The following PPAT variants were observed in gnomAD, a reference collection of about 807,000 sequenced individuals.
PPAT encodes the protein phosphoribosyl pyrophosphate amidotransferase.
A neutral mutation model predicts 60.2 loss-of-function variants in PPAT; 20 were observed. The observed-to-expected ratio is 0.33, with a 90% CI of 0.23 to 0.48. The LOEUF (loss-of-function observed/expected upper bound fraction) is 0.48. PPAT is among the 20% of genes least tolerant of loss of function. The pLI, the probability that PPAT is intolerant of heterozygous loss-of-function variation, is 0.99. For synonymous variants in PPAT, 194 were observed against 215.1 expected (o/e 0.90, Z 0.86); for missense variants, 349 against 629.6 (o/e 0.55, Z 4.77).
chr4:56,420,189 G>A (rs568785832), intron 1 of PPAT: 4 of 168,440 alleles, frequency 2.4e-5, no homozygotes, highest in African/African-American at 9.6e-5. Context: ...TATACATAGT[G>A]AGGTATCTTA....
At chr4:56,422,750 TAAC>T (rs1290614180) in intron 1 of PPAT, 1 of 152,178 alleles carries the variant, frequency 6.6e-6, no homozygotes, top group Non-Finnish European at 1.5e-5. Context: ...AATTATGTTA[TAAC>T]ATTATATGAA....
intron 1 of PPAT, among the ~76,000 whole-genome samples, chr4:56,413,251 G>C (rs1337115372): frequency 6.6e-6 from 1 of 152,124 alleles, no homozygotes; most frequent in African/African-American, 2.4e-5. Flanking sequence ...CTGCTTCCCA[G>C]GTTCAAGCGA....
Position 56,402,848 on chromosome 4 carries a change from A to AG in PPAT, c.661+191dup, listed in dbSNP as rs377686688. ...AAAAAAAAAAAAAAAAAAAAAAAAA[A>AG]GGGGGGGGACTCATCCTCAGGAGTA... On this transcript the variant is annotated intron_variant, in intron 5 of 10. Coordinates refer to ENST00000264220, the MANE Select transcript of PPAT (RefSeq NM_002703.5). 9.6e-3 allele frequency among the ~76,000 whole-genome samples: 731 copies of AG among 75,806 alleles called. 6 individuals carry two copies. The highest frequency in any genetic ancestry group is 0.029 in the African/African-American group (505 of 17,318). 49.7% of individuals were successfully genotyped at this position (75,806 alleles called of 152,430 possible). A position where few individuals can be genotyped will look rare whatever the true frequency, so the allele number is the denominator to read the frequency against.
chr4:56,433,699 G>GT (rs35741626), intron 1 of PPAT, among the ~76,000 whole-genome samples: 68,230 of 141,212 alleles, frequency 0.48, 15,855 homozygotes, highest in South Asian at 0.56. Context: ...AATAACAACT[G>GT]TTTTTTTTTT....
At position 56,396,881 on chromosome 4, in the gene PPAT, T is replaced by TG. The variant is rs1715978630; in HGVS notation, c.1237-143dup. ...TTATTCTTTCTACAAAGCTGCTTCTTGGTTTTTTTTTTCTTTCACCTAATC... is the reference window on the plus strand; with the variant it reads ...TTATTCTTTCTACAAAGCTGCTTCTTGGGTTTTTTTTTTCTTTCACCTAATC... On this transcript the variant is annotated intron_variant, in intron 9 of 10. Coordinates refer to ENST00000264220, the MANE Select transcript of PPAT (RefSeq NM_002703.5). The surrounding 1 kb of genome is among the most constrained non-coding windows in gnomAD (Gnocchi z 4.6). 1.2e-6 allele frequency: 1 copy of TG among 809,156 alleles called. No homozygotes were observed. The allele number at this position is 809,156 out of a possible 1,614,324, so 50.1% of individuals were successfully genotyped here. A position where few individuals can be genotyped will look rare whatever the true frequency, so the allele number is the denominator to read the frequency against.
chr4:56,431,659 T>C (rs751227322), intron 1 of PPAT: 16 of 261,322 alleles, frequency 6.1e-5, no homozygotes, highest in Non-Finnish European at 1.2e-5. Context: ...TATCTCCTAA[T>C]CAAGGAAAGG....
chr4:56,403,652 TTATTTC>T (rs1383535561), intron 3 of PPAT, among the ~76,000 whole-genome samples: 1 of 152,202 alleles, frequency 6.6e-6, no homozygotes, highest in Non-Finnish European at 1.5e-5. Context: ...ATTGTGCACT[TTATTTC>T]TATTATTACT....
intron 3 of PPAT, chr4:56,404,216 G>A: frequency 7.9e-6 from 2 of 252,552 alleles, no homozygotes; most frequent in South Asian, 8.4e-5. Flanking sequence ...AAGTGGGTAG[G>A]GGTTCCCAAA....
chr4:56,401,547 T>A, intron 6 of PPAT, 66 bp from the exon 7 acceptor site: 1 of 1,370,082 alleles, frequency 7.3e-7, no homozygotes, highest in Non-Finnish European at 1.0e-6. Flanking sequence ...ATGAAAATAT[T>A]AATTATAAAG....
chr4:56,433,056 TTATC>T (rs1717685977), intron 1 of PPAT, among the ~76,000 whole-genome samples: 1 of 151,308 alleles, frequency 6.6e-6, no homozygotes, highest in Admixed American at 6.6e-5. Context: ...ATTCTGGCCC[TTATC>T]TATCAGTTTC....
At position 56,403,345 on chromosome 4, in the gene PPAT, C is replaced by A; in HGVS notation, c.459G>T (p.Gln153His). ...STSSDSEMIT[Q>H]LLAYTPPQEQ... ...CCTGAGGAGGGGTATACGCCAGTAA[C>A]TGGGTAATCATTTCACTATCAGAAC... The change falls in exon 4 of 11, where the codon CAG (glutamine) becomes CAT (histidine). Residue 153 changes from glutamine (Q) to histidine (H), a missense_variant. Physicochemically the swap from Gln to His is conservative, Grantham distance 24. Coordinates refer to ENST00000264220, the MANE Select transcript of PPAT (RefSeq NM_002703.5). 6.2e-7 allele frequency: 1 copy of A among 1,614,112 alleles called. No individual in the cohort carries two copies. Among genetic ancestry groups the A allele is most frequent in the Non-Finnish European group, 8.5e-7 (1 of 1,179,964 alleles).
In PPAT at chr4:56,396,576, TTC is replaced by T. The variant is rs1560636252; in HGVS notation, c.1357+41_1357+42del. 3.9e-6 allele frequency: 6 copies of T among 1,548,092 alleles called. No individual in the cohort carries two copies. The South Asian group carries it at 5.7e-5, about 15-fold the overall frequency. On this transcript the variant is annotated intron_variant, in intron 10 of 10. Coordinates refer to ENST00000264220, the MANE Select transcript of PPAT (RefSeq NM_002703.5). This position sits in a 1 kb window ranked among gnomAD's most constrained non-coding sequence, Gnocchi z 4.6. ...TGTAAAGACTGTCAAGCTTTGGATT[TTC>T]TCTGTTAATAATCAAAGTTTATAGA... is the stretch of plus-strand genomic sequence containing the variant.
intron 6 of PPAT, 138 bp from the exon 7 acceptor site, chr4:56,401,619 CT>C: frequency 2.6e-6 from 2 of 774,812 alleles, no homozygotes; most frequent in Non-Finnish European, 4.0e-6. Context: ...CTAGAAGTGA[CT>C]TTTTAAAGTG....
chr4:56,395,600 A>G (rs1195131182), intron 10 of PPAT, 52 bp from the exon 11 acceptor site: 6 of 1,322,688 alleles, frequency 4.5e-6, no homozygotes, highest in African/African-American at 1.5e-5. Flanking sequence ...TTAGAAAGGA[A>G]GAAACGCGTC....
chr4:56,402,132 A>G lies in PPAT; in HGVS notation c.711T>C (p.Cys237=). 1 of 1,604,144 alleles carries G rather than the reference A, an allele frequency of 6.2e-7. No homozygotes were observed. Among genetic ancestry groups the G allele is most frequent in the Non-Finnish European group, 8.5e-7 (1 of 1,172,402 alleles). The part of the protein sequence containing the change: ...TEGWVVSSES[C]SFLSIGARYY... Reference sequence around the variant, plus strand: ...ACCTTGCACCAATAGATAAGAAGCTACAAGATTCTGAAGACACCACCCATC... The same window carrying G: ...ACCTTGCACCAATAGATAAGAAGCTGCAAGATTCTGAAGACACCACCCATC... Residue 237 remains cysteine, a synonymous_variant, in exon 6 of 11, where the codon TGT becomes TGC. Transcript: ENST00000264220.
At chr4:56,429,168 G>T (rs1717448293) in intron 1 of PPAT, among the ~76,000 whole-genome samples, 2 of 152,140 alleles carry the variant, frequency 1.3e-5, no homozygotes, top group South Asian at 4.1e-4. Flanking sequence ...TTATTTCATA[G>T]CTCACTGAGT....
intron 1 of PPAT, among the ~76,000 whole-genome samples, chr4:56,434,616 C>T (rs973585576): frequency 6.6e-6 from 1 of 152,152 alleles, no homozygotes; most frequent in Admixed American, 6.5e-5. Flanking sequence ...TCCCCTGTCC[C>T]CCTTTTGAAG....
chr4:56,420,694 G>C (rs1716996256), intron 1 of PPAT: 1 of 152,128 alleles, frequency 6.6e-6, no homozygotes, highest in African/African-American at 2.4e-5. Flanking sequence ...ACTAATTGTG[G>C]TAAAATTGAG....
intron 1 of PPAT, among the ~76,000 whole-genome samples, chr4:56,419,380 T>C (rs1164547642): frequency 2.0e-5 from 3 of 152,144 alleles, no homozygotes; most frequent in Non-Finnish European, 2.9e-5. Flanking sequence ...ACAGGAAAGA[T>C]GATCAAAATA....
Sources: allele counts gnomAD v4.1 joint callset (sites outside exome capture counted in the v4.1 genomes callset), GRCh38; gene constraint gnomAD v4.1.1; non-coding constraint Gnocchi (gnomAD v3.1); transcripts MANE v1.5; gene names NCBI Gene and HGNC (gene_info 2026-07-23, HGNC 2026-07-21).